C3orf70: variants seen among roughly 807,000 people sequenced by gnomAD.
C3orf70 encodes the protein UPF0524 protein C3orf70.
Under a neutral mutation model 20.7 loss-of-function variants are expected in C3orf70, and 15 were observed. The observed-to-expected ratio is 0.72, with a 90% CI of 0.48 to 1.11. C3orf70 has a LOEUF of 1.11. Among genes scored for constraint, C3orf70 ranks in the 50% most tolerant of loss-of-function variants. The pLI, the probability that C3orf70 is intolerant of heterozygous loss-of-function variation, is 0.00. For missense variants in C3orf70, 332 were observed against 317.6 expected (o/e 1.05, Z -0.34); for synonymous variants, 161 against 125.7 (o/e 1.28, Z -1.88).
intron 1 of C3orf70, among the ~76,000 whole-genome samples, chr3:185,108,273 C>A (rs749801870): frequency 6.6e-6 from 1 of 152,138 alleles, no homozygotes; most frequent in African/African-American, 2.4e-5. Flanking sequence ...TATTCTGGCT[C>A]AAAAAGTAAA....
At position 185,081,228 on chromosome 3, in the gene C3orf70, C is replaced by T. The variant is rs1715329413; in HGVS notation, c.*1779G>A. ...GTCAGATCGAGACCATCCTGGCTAA[C>T]ATGGTGAAAGCCCGTCTCTACTAAA... On this transcript the variant is annotated 3_prime_UTR_variant, in exon 2 of 2. Transcript: ENST00000335012. The T allele has an allele frequency of 1.3e-5, 2 of 152,242 alleles. No homozygotes were observed. Among genetic ancestry groups the T allele is most frequent in the South Asian group, 4.2e-4 (2 of 4,814 alleles). 9.4% of individuals were successfully genotyped at this position (152,242 alleles called of 1,614,324 possible).
At chr3:185,104,933 A>G (rs150486408) in intron 1 of C3orf70, among the ~76,000 whole-genome samples, 3 of 152,358 alleles carry the variant, frequency 2.0e-5, no homozygotes, top group Admixed American at 2.0e-4. Flanking sequence ...ATTTACCTTT[A>G]TAACAAACCT....
chr3:185,108,323 C>G (rs962682548), intron 1 of C3orf70, among the ~76,000 whole-genome samples: 1 of 152,188 alleles, frequency 6.6e-6, no homozygotes, highest in Non-Finnish European at 1.5e-5. Context: ...AAAAGCAGAG[C>G]TTGTAGCTGT....
intron 1 of C3orf70, among the ~76,000 whole-genome samples, chr3:185,108,403 C>T (rs1488514601): frequency 2.0e-5 from 3 of 152,188 alleles, no homozygotes; most frequent in Non-Finnish European, 4.4e-5. Flanking sequence ...TGGTTCATGC[C>T]ACATAGTTAA....
rs10576073 is a variant in C3orf70 at position 185,146,276 on chromosome 3, A to ATTTT, written c.196+6348_196+6351dup. Among the ~76,000 whole-genome samples, 67 of 67,082 alleles carry ATTTT rather than the reference A, an allele frequency of 1.0e-3. 1 individual carries two copies. Among genetic ancestry groups the ATTTT allele is most frequent in the African/African-American group, 3.3e-3 (62 of 18,878 alleles). 44.0% of individuals were successfully genotyped at this position (67,082 alleles called of 152,430 possible). A position where few individuals can be genotyped will look rare whatever the true frequency, so the allele number is the denominator to read the frequency against. On this transcript the variant is annotated intron_variant, in intron 1 of 1. Transcript: ENST00000335012. ...ATCACTAGACAAAGTTACAACTCTC[A>ATTTT]TTTTTTTTTTTTTTTTTTTTTTTTT...
intron 1 of C3orf70, among the ~76,000 whole-genome samples, chr3:185,138,284 C>A (rs528676589): frequency 1.1e-3 from 165 of 151,908 alleles, no homozygotes; most frequent in African/African-American, 3.8e-3. Flanking sequence ...GAAAAAGAAA[C>A]CTCCAGGCCC....
Position 185,124,049 on chromosome 3 carries a change from G to A in C3orf70, c.196+28579C>T, listed in dbSNP as rs530850308. The stretch of plus-strand genomic sequence containing the variant: ...AACATGTATAGACTTTTTTCTTGTC[G>A]TTATTCTCTAAACAATAAAATATAA... On this transcript the variant is annotated intron_variant, in intron 1 of 1. Transcript: ENST00000335012. Among the ~76,000 whole-genome samples, 25 of 152,082 alleles carry A rather than the reference G, an allele frequency of 1.6e-4. No individual in the cohort carries two copies. In the South Asian group the frequency reaches 4.6e-3, roughly 28 times the overall value.
chr3:185,120,714 TAAAA>T (rs565950615), intron 1 of C3orf70, among the ~76,000 whole-genome samples: 1 of 72,768 alleles, frequency 1.4e-5, no homozygotes, highest in Non-Finnish European at 3.2e-5. Flanking sequence ...AATCCAAAAC[TAAAA>T]AAAAAAAAAA....
intron 1 of C3orf70, among the ~76,000 whole-genome samples, chr3:185,096,753 C>T (rs1008630476): frequency 1.3e-5 from 2 of 152,240 alleles, no homozygotes; most frequent in South Asian, 4.2e-4. Context: ...CCTCCCCATG[C>T]CCTCTCCACA....
intron 1 of C3orf70, among the ~76,000 whole-genome samples, chr3:185,091,902 CACACACATACATATAT>C (rs1430970596): frequency 1.1e-5 from 1 of 89,556 alleles, no homozygotes; most frequent in Non-Finnish European, 2.2e-5. Context: ...CACATACACA[CACACACATACATATAT>C]ATATATATAT....
intron 1 of C3orf70, among the ~76,000 whole-genome samples, chr3:185,150,497 A>AATATAT (rs140532064): frequency 0.075 from 11,368 of 152,236 alleles, 464 homozygotes; most frequent in South Asian, 0.1. Context: ...TGTGTCCAAA[A>AATATAT]ATATAAGTGT....
intron 1 of C3orf70, among the ~76,000 whole-genome samples, chr3:185,147,160 T>G (rs1339175561): frequency 6.6e-6 from 1 of 152,236 alleles, no homozygotes; most frequent in Non-Finnish European, 1.5e-5. Context: ...CCTATTAGAC[T>G]ACATCAAGTC....
chr3:185,138,513 A>G (rs1716675050), intron 1 of C3orf70, among the ~76,000 whole-genome samples: 2 of 152,132 alleles, frequency 1.3e-5, no homozygotes, highest in South Asian at 4.1e-4. Flanking sequence ...ACTATTAGCC[A>G]ATAGAAATCA....
chr3:185,143,737 T>C lies in C3orf70; in HGVS notation c.196+8891A>G, dbSNP rs185638068. Among the ~76,000 whole-genome samples, 279 of 152,328 alleles carry C rather than the reference T, an allele frequency of 1.8e-3. 3 individuals are homozygous for C. The highest frequency in any genetic ancestry group is 6.4e-3 in the African/African-American group (268 of 41,566). On this transcript the variant is annotated intron_variant, in intron 1 of 1. Coordinates refer to ENST00000335012, the MANE Select transcript of C3orf70 (RefSeq NM_001025266.3). ...CTATTAACTAGCATTCTTGCCATTT[T>C]TCAGTACACACTGATGAGACTTCTA...
chr3:185,119,149 A>C (rs938737162), intron 1 of C3orf70, among the ~76,000 whole-genome samples: 5 of 152,228 alleles, frequency 3.3e-5, no homozygotes, highest in Non-Finnish European at 7.3e-5. Flanking sequence ...TGCTTCCATC[A>C]CAGCTCACAA....
At chr3:185,120,900 A>G (rs1716283939) in intron 1 of C3orf70, among the ~76,000 whole-genome samples, 2 of 151,722 alleles carry the variant, frequency 1.3e-5, no homozygotes. Flanking sequence ...AGAAGAAAAG[A>G]AGTCATTATA....
chr3:185,092,966 G>A (rs1715622635), intron 1 of C3orf70, among the ~76,000 whole-genome samples: 2 of 148,346 alleles, frequency 1.3e-5, no homozygotes, highest in African/African-American at 5.0e-5. Context: ...ACTCTAGCCT[G>A]GCGACAAAGC....
At chr3:185,138,649 A>G (rs1716676881) in intron 1 of C3orf70, among the ~76,000 whole-genome samples, 1 of 152,230 alleles carries the variant, frequency 6.6e-6, no homozygotes, top group African/African-American at 2.4e-5. Context: ...GAAAAATTAC[A>G]TGATCCTATT....
At chr3:185,099,815 C>A (rs566298567) in intron 1 of C3orf70, among the ~76,000 whole-genome samples, 1 of 152,264 alleles carries the variant, frequency 6.6e-6, no homozygotes, top group South Asian at 2.1e-4. Context: ...CTTCAAGAGA[C>A]CCATCTCACA....
Sources: gnomAD v4.1 joint callset for allele counts (sites outside exome capture counted in the v4.1 genomes callset) on GRCh38, gnomAD v4.1.1 for gene constraint, MANE v1.5 for transcripts, NCBI Gene and HGNC (gene_info 2026-07-23, HGNC 2026-07-21) for gene names.